The following DPP10 variants were observed in gnomAD, a reference collection of about 807,000 sequenced individuals.
The protein encoded by DPP10 is inactive dipeptidyl peptidase 10.
DPP10 carries 33 observed loss-of-function variants against 120.9 expected under a neutral mutation model. That is an observed-to-expected ratio of 0.27 (90% confidence interval 0.21 to 0.37). DPP10 has a LOEUF of 0.37. Ranked by LOEUF, DPP10 falls within the 10% of genes least tolerant of loss-of-function variation. The pLI is 1.00. For synonymous variants in DPP10, 337 were observed against 326.1 expected (o/e 1.03, Z -0.36); for missense variants, 816 against 942.8 (o/e 0.87, Z 1.76).
chr2:115,506,422 TAA>T (rs2076944815), intron 4 of DPP10, among the ~76,000 whole-genome samples: 1 of 152,050 alleles, frequency 6.6e-6, no homozygotes, highest in South Asian at 2.1e-4. Flanking sequence ...CCCAGAGAAA[TAA>T]AGAGACTTGC....
intron 1 of DPP10, among the ~76,000 whole-genome samples, chr2:114,679,004 A>G (rs1360903985): frequency 6.6e-6 from 1 of 152,058 alleles, no homozygotes; most frequent in African/African-American, 2.4e-5. Context: ...TATCCAAACA[A>G]TTTGAGACCC....
chr2:114,766,780 C>T, intron 1 of DPP10, among the ~76,000 whole-genome samples: 1 of 151,882 alleles, frequency 6.6e-6, no homozygotes, highest in East Asian at 1.9e-4. Context: ...GCCAGGGGGG[C>T]AGAGATAGGG....
Position 115,011,620 on chromosome 2 carries a change from A to G in DPP10, c.61-297619A>G, listed in dbSNP as rs189437792. Among the ~76,000 whole-genome samples the G allele has an allele frequency of 9.9e-5, 15 of 151,660 alleles. No individual in the cohort carries two copies. In the East Asian group the frequency reaches 2.9e-3, roughly 29 times the overall value. ...GTTTGTATTTTTTTTTATTTCTTTA[A>G]TTTTAACATATTTGGGGATAGCAGA... On this transcript the variant is annotated intron_variant, in intron 1 of 25. Transcript: ENST00000410059.
intron 1 of DPP10, among the ~76,000 whole-genome samples, chr2:114,497,436 C>CATATAT (rs1682773534): frequency 2.0e-5 from 3 of 148,046 alleles, no homozygotes; most frequent in Admixed American, 2.0e-4. Context: ...TATATATATG[C>CATATAT]ATATATATAG....
intron 21 of DPP10, among the ~76,000 whole-genome samples, chr2:115,831,238 CT>C (rs1688891749): frequency 1.4e-5 from 2 of 147,224 alleles, no homozygotes; most frequent in African/African-American, 5.3e-5. Context: ...CAGATCACTT[CT>C]TTCTTTCTTT....
intron 3 of DPP10, among the ~76,000 whole-genome samples, chr2:115,442,636 G>T (rs2072186678): frequency 6.6e-6 from 1 of 152,068 alleles, no homozygotes; most frequent in Non-Finnish European, 1.5e-5. Flanking sequence ...TAATGGCTTT[G>T]ATGATGAATG....
intron 1 of DPP10, among the ~76,000 whole-genome samples, chr2:114,733,783 A>G (rs1460839257): frequency 6.6e-6 from 1 of 152,170 alleles, no homozygotes; most frequent in Non-Finnish European, 1.5e-5. Flanking sequence ...ATTATAGAGT[A>G]TTGAATATAA....
chr2:115,070,005 T>A (rs1573499108), intron 1 of DPP10, among the ~76,000 whole-genome samples: 2 of 152,078 alleles, frequency 1.3e-5, no homozygotes, highest in East Asian at 3.8e-4. Context: ...AGTGTCTGCA[T>A]TTAAATAAAA....
chr2:114,946,048 C>T (rs561773518), intron 1 of DPP10, among the ~76,000 whole-genome samples: 1 of 152,160 alleles, frequency 6.6e-6, no homozygotes, highest in Admixed American at 6.5e-5. Context: ...AAAAACAAGG[C>T]GTCTGAAAAA....
chr2:114,591,516 C>T (rs1171165555), intron 1 of DPP10, among the ~76,000 whole-genome samples: 1 of 151,264 alleles, frequency 6.6e-6, no homozygotes, highest in African/African-American at 2.4e-5. Flanking sequence ...CCCAGCCATC[C>T]AGATTTAGAA....
chr2:114,613,388 G>A (rs1573792284), intron 1 of DPP10, among the ~76,000 whole-genome samples: 1 of 152,266 alleles, frequency 6.6e-6, no homozygotes, highest in East Asian at 1.9e-4. Context: ...CAAAATTTGA[G>A]AGGGGCGGAG....
intron 1 of DPP10, among the ~76,000 whole-genome samples, chr2:114,739,413 C>T (rs1403269556): frequency 3.3e-5 from 5 of 152,156 alleles, no homozygotes; most frequent in Non-Finnish European, 5.9e-5. Context: ...AATCCCAGCA[C>T]TGTGGGAGGC....
chr2:114,738,677 A>G (rs1677708838), intron 1 of DPP10, among the ~76,000 whole-genome samples: 1 of 152,152 alleles, frequency 6.6e-6, no homozygotes, highest in African/African-American at 2.4e-5. Context: ...AGGGGGCTAG[A>G]AATATGGGGT....
intron 1 of DPP10, among the ~76,000 whole-genome samples, chr2:114,682,726 C>A (rs1192067948): frequency 6.6e-6 from 1 of 151,736 alleles, no homozygotes; most frequent in Non-Finnish European, 1.5e-5. Flanking sequence ...ATGATACTAT[C>A]CTCCCAGGTA....
At chr2:115,694,741 A>G (rs543031498) in intron 7 of DPP10, among the ~76,000 whole-genome samples, 34 of 152,252 alleles carry the variant, frequency 2.2e-4, no homozygotes, top group Non-Finnish European at 2.6e-4. Context: ...TGTAAATTTT[A>G]TGGGAAGGCT....
intron 1 of DPP10, among the ~76,000 whole-genome samples, chr2:114,534,899 C>A (rs1385989019): frequency 6.6e-6 from 1 of 152,084 alleles, no homozygotes; most frequent in African/African-American, 2.4e-5. Flanking sequence ...GGGATGCCCC[C>A]TTCTGGGGCC....
intron 1 of DPP10, among the ~76,000 whole-genome samples, chr2:115,297,981 T>A (rs1483552346): frequency 6.6e-6 from 1 of 152,068 alleles, no homozygotes. Flanking sequence ...ATGTCTTTTC[T>A]CTCTGTGTTT....
intron 1 of DPP10, among the ~76,000 whole-genome samples, chr2:114,993,576 G>GTATATATATATA (rs1395583474): frequency 9.6e-4 from 36 of 37,596 alleles, no homozygotes; most frequent in African/African-American, 1.3e-3. Context: ...GTGTGTGTGT[G>GTATATATATATA]TGTGTATATA....
At chr2:115,762,008 A>G (rs955420008) in intron 11 of DPP10, among the ~76,000 whole-genome samples, 1 of 152,110 alleles carries the variant, frequency 6.6e-6, no homozygotes, top group African/African-American at 2.4e-5. Flanking sequence ...GCTTTTTGCA[A>G]TATGATTTTG....
Sources: gnomAD v4.1 joint callset for allele counts (sites outside exome capture counted in the v4.1 genomes callset) on GRCh38, gnomAD v4.1.1 for gene constraint, MANE v1.5 for transcripts, NCBI Gene and HGNC (gene_info 2026-07-23, HGNC 2026-07-21) for gene names.